Variants in PSMA1 observed in about 807,000 individuals in gnomAD.
PSMA1 encodes the protein proteasome subunit alpha type-1.
PSMA1 carries 3 observed loss-of-function variants against 38.4 expected under a neutral mutation model. The observed-to-expected ratio is 0.08, with a 90% CI of 0.04 to 0.20. PSMA1 has a LOEUF of 0.20. PSMA1 is among the 10% of genes least tolerant of loss of function. PSMA1 has a pLI of 1.00. For synonymous variants in PSMA1, 101 were observed against 107.1 expected, an observed-to-expected ratio of 0.94 and a Z score of 0.35; for missense variants, 227 against 325.3, an observed-to-expected ratio of 0.70 and a Z score of 2.32.
At chr11:14,544,804 A>G (rs1308354191) in intron 2 of PSMA1, among the ~76,000 whole-genome samples, 3 of 152,220 alleles carry the variant, frequency 2.0e-5, no homozygotes, top group African/African-American at 7.2e-5. Flanking sequence ...GAGTTACCAT[A>G]TGACTCAGCA....
intron 8 of PSMA1, among the ~76,000 whole-genome samples, chr11:14,510,357 A>G (rs1015585988): frequency 1.3e-5 from 2 of 152,146 alleles, no homozygotes; most frequent in Non-Finnish European, 2.9e-5. Flanking sequence ...AATATCCTCA[A>G]CCACCTATTT....
upstream of PSMA1, among the ~76,000 whole-genome samples, chr11:14,521,331 T>TTA (rs746612147): frequency 2.3e-5 from 3 of 132,224 alleles, no homozygotes; most frequent in South Asian, 2.4e-4. Context: ...AGAATAAGAA[T>TTA]AATAAAAAAA....
upstream of PSMA1, chr11:14,520,511 G>T (rs575802618): frequency 2.1e-6 from 3 of 1,425,044 alleles, no homozygotes; most frequent in Non-Finnish European, 2.8e-6. Context: ...CGGAGCCTCG[G>T]AAGATCTAGG....
At chr11:14,568,260 T>G (rs1852097416) in intron 2 of PSMA1, among the ~76,000 whole-genome samples, 1 of 152,204 alleles carries the variant, frequency 6.6e-6, no homozygotes, top group Admixed American at 6.5e-5. Context: ...GCTCATTCCA[T>G]CCCACCATGC....
chr11:14,538,037 G>GA (rs1851730109), intron 2 of PSMA1, among the ~76,000 whole-genome samples: 1 of 151,876 alleles, frequency 6.6e-6, no homozygotes, highest in Admixed American at 6.6e-5. Context: ...TGAACTATGG[G>GA]AAAAACAACG....
chr11:14,580,226 A>G (rs547826072), intron 2 of PSMA1, among the ~76,000 whole-genome samples: 11 of 152,178 alleles, frequency 7.2e-5, no homozygotes, highest in South Asian at 2.1e-4. Flanking sequence ...TCTACCTACT[A>G]TTTTAGAATC....
At chr11:14,537,395 C>T (rs1851721187) in intron 2 of PSMA1, among the ~76,000 whole-genome samples, 1 of 152,088 alleles carries the variant, frequency 6.6e-6, no homozygotes, top group Non-Finnish European at 1.5e-5. Flanking sequence ...TCACCTTTTC[C>T]TTTAATTGTT....
intron 2 of PSMA1, among the ~76,000 whole-genome samples, chr11:14,578,662 C>T (rs1333331613): frequency 3.3e-5 from 5 of 152,260 alleles, no homozygotes; most frequent in Admixed American, 6.5e-5. Context: ...CATTCAGTTT[C>T]GTCAGTCAGG....
At chr11:14,572,480 C>T (rs572415720) in intron 2 of PSMA1, among the ~76,000 whole-genome samples, 1 of 152,290 alleles carries the variant, frequency 6.6e-6, no homozygotes, top group Admixed American at 6.5e-5. Flanking sequence ...AACAGAGACA[C>T]AACATACCAG....
intron 2 of PSMA1, among the ~76,000 whole-genome samples, chr11:14,563,348 C>T (rs960006777): frequency 2.6e-5 from 4 of 152,130 alleles, no homozygotes; most frequent in African/African-American, 9.7e-5. Context: ...CCTTGTGAGC[C>T]ATGCAGGCAG....
intron 1 of PSMA1, among the ~76,000 whole-genome samples, chr11:14,633,150 C>T (rs1163679668): frequency 6.6e-6 from 1 of 152,206 alleles, no homozygotes; most frequent in African/African-American, 2.4e-5. Flanking sequence ...CAAAGTCATT[C>T]TCCATCCAGC....
chr11:14,528,609 TTAA>T (rs1851613218), intron 2 of PSMA1, among the ~76,000 whole-genome samples: 1 of 152,112 alleles, frequency 6.6e-6, no homozygotes, highest in Non-Finnish European at 1.5e-5. Flanking sequence ...ATTTTTCTTA[TTAA>T]TATAAGAAGA....
chr11:14,515,543 TA>T (rs1185227574), intron 4 of PSMA1, among the ~76,000 whole-genome samples: 1 of 151,888 alleles, frequency 6.6e-6, no homozygotes, highest in Non-Finnish European at 1.5e-5. Context: ...ACTGGCTGAG[TA>T]AATTGAAATT....
upstream of PSMA1, among the ~76,000 whole-genome samples, chr11:14,522,320 C>G (rs1029574946): frequency 5.3e-4 from 81 of 152,148 alleles, no homozygotes; most frequent in African/African-American, 1.7e-3. Flanking sequence ...CATAAAAATA[C>G]TATAATGAAT....
chr11:14,576,180 C>T (rs1198815815), intron 2 of PSMA1, among the ~76,000 whole-genome samples: 2 of 152,052 alleles, frequency 1.3e-5, no homozygotes, highest in Admixed American at 6.5e-5. Context: ...TGGATATTAG[C>T]CCTTTGTCAG....
At chr11:14,642,338 A>T (rs1853220886) in intron 1 of PSMA1, among the ~76,000 whole-genome samples, 1 of 145,162 alleles carries the variant, frequency 6.9e-6, no homozygotes, top group Non-Finnish European at 1.5e-5. Flanking sequence ...TGAAATGAGC[A>T]TTTTTTTTCT....
At chr11:14,595,818 A>C (rs1852483993) in intron 2 of PSMA1, among the ~76,000 whole-genome samples, 1 of 152,190 alleles carries the variant, frequency 6.6e-6, no homozygotes, top group African/African-American at 2.4e-5. Flanking sequence ...GTCCTTGCCC[A>C]TGCCTATGTC....
intron 2 of PSMA1, among the ~76,000 whole-genome samples, chr11:14,577,053 C>A (rs1180015027): frequency 6.6e-6 from 1 of 151,960 alleles, no homozygotes; most frequent in African/African-American, 2.4e-5. Context: ...CTGTAAATGG[C>A]AGTTCACTCA....
At chr11:14,547,410 T>A (rs1851837705) in intron 2 of PSMA1, among the ~76,000 whole-genome samples, 1 of 152,226 alleles carries the variant, frequency 6.6e-6, no homozygotes, top group Admixed American at 6.5e-5. Context: ...ATACTTTGCA[T>A]GCCAAAACAT....
Sources: gnomAD v4.1 joint callset for allele counts (sites outside exome capture counted in the v4.1 genomes callset) on GRCh38, gnomAD v4.1.1 for gene constraint, MANE v1.5 for transcripts, NCBI Gene and HGNC (gene_info 2026-07-23, HGNC 2026-07-21) for gene names.